Variants in KMT2A observed in about 807,000 individuals in gnomAD.
KMT2A encodes lysine methyltransferase 2A.
KMT2A carries 16 observed loss-of-function variants against 345.3 expected under a neutral mutation model. The observed-to-expected ratio is 0.05, with a 90% CI of 0.03 to 0.07. The LOEUF (loss-of-function observed/expected upper bound fraction) is 0.07, where lower values mean the gene tolerates loss of function less well. Among genes scored for constraint, KMT2A ranks in the 10% least tolerant of loss-of-function variants. The pLI is 1.00. For missense variants in KMT2A, 3,272 were observed against 4,841.6 expected, an observed-to-expected ratio of 0.68 and a Z score of 9.62; for synonymous variants, 1,599 against 1,778.6, an observed-to-expected ratio of 0.90 and a Z score of 2.54.
chr11:118,512,901 G>A lies in KMT2A; in HGVS notation c.11146+876G>A, dbSNP rs2134443106. ...GGTATTAGACTTCATATTAAATTTA[G>A]GCAGCATACAAACTTATTAATACAC... On this transcript the variant is annotated intron_variant, in intron 31 of 35. Transcript: ENST00000534358. Among the ~76,000 whole-genome samples, 3 of 151,512 alleles carry A rather than the reference G, an allele frequency of 2.0e-5. No homozygotes were observed. The Middle Eastern group carries it at 0.01, about 515-fold the overall frequency.
At chr11:118,477,409 A>C (rs1950056191) in intron 4 of KMT2A, among the ~76,000 whole-genome samples, 1 of 151,198 alleles carries the variant, frequency 6.6e-6, no homozygotes, top group Non-Finnish European at 1.5e-5. Flanking sequence ...AAGAATCCTT[A>C]GAAGCATTTG....
Position 118,504,766 on chromosome 11 carries a change from A to T in KMT2A, c.8874A>T (p.Ser2958=). Residue 2958 remains serine, a synonymous_variant, in exon 27 of 36, where the codon TCA becomes TCT. Transcript: ENST00000534358. The surrounding 1 kb of genome is among the most constrained non-coding windows in gnomAD (Gnocchi z 6.4). ...NPSRLAVISD[S]GEKRVTITEK... is the part of the protein sequence containing the mutation. ...GTAGACTAGCTGTTATCTCAGACTC[A>T]GGGGAGAAGAGAGTAACCATCACAG... is the stretch of plus-strand genomic sequence containing the variant. 6.2e-7 allele frequency: 1 copy of T among 1,614,126 alleles called. No homozygotes were observed.
In KMT2A at chr11:118,517,022, CT is replaced by C. The variant is rs548435224; in HGVS notation, c.11147-2586del. ...GAGTATGTAGTATGTTTTTCAATGT[CT>C]TTTTTTTTTAACCTAAGAATTCACA... On this transcript the variant is annotated intron_variant, in intron 31 of 35. Transcript: ENST00000534358. Among the ~76,000 whole-genome samples, 116 of 148,486 alleles carry C rather than the reference CT, an allele frequency of 7.8e-4. 1 individual carries two copies. The highest frequency in any genetic ancestry group is 5.4e-4 in the Admixed American group (8 of 14,918).
At chr11:118,518,436 A>C (rs2135274155) in intron 31 of KMT2A, among the ~76,000 whole-genome samples, 1 of 152,338 alleles carries the variant, frequency 6.6e-6, no homozygotes, top group Non-Finnish European at 1.5e-5. Flanking sequence ...CACATTCATC[A>C]TAACAACACA....
At position 118,443,787 on chromosome 11, in the gene KMT2A, A is replaced by G. The variant is rs573217200; in HGVS notation, c.432+6843A>G. 1.0e-3 allele frequency among the ~76,000 whole-genome samples: 154 copies of G among 152,360 alleles called. 1 individual carries two copies. The highest frequency in any genetic ancestry group is 3.6e-3 in the African/African-American group (149 of 41,586). ...TCTTACCTTCAATTATTGCTGCAGC[A>G]GTACCCTGTGAAGTACCAGTGGGCA... is the stretch of plus-strand genomic sequence containing the variant. On this transcript the variant is annotated intron_variant, in intron 1 of 35. Coordinates refer to ENST00000534358, the MANE Select transcript of KMT2A (RefSeq NM_001197104.2).
At chr11:118,507,819 C>T (rs978281053) in intron 28 of KMT2A, 20 of 461,376 alleles carry the variant, frequency 4.3e-5, no homozygotes, top group Middle Eastern at 1.3e-3. Context: ...AAGAATTAGC[C>T]GGGCGTGATG....
At chr11:118,518,994 C>G (rs1286783508) in intron 31 of KMT2A, among the ~76,000 whole-genome samples, 4 of 128,636 alleles carry the variant, frequency 3.1e-5, no homozygotes, top group Admixed American at 9.2e-5. Flanking sequence ...AGGAGAATGG[C>G]GTGAACCCGG....
intron 28 of KMT2A, among the ~76,000 whole-genome samples, chr11:118,507,958 G>A (rs1397868824): frequency 6.6e-6 from 1 of 151,980 alleles, no homozygotes; most frequent in African/African-American, 2.4e-5. Flanking sequence ...GCAAGACTCC[G>A]TTTCCAAAAA....
chr11:118,494,593 G>T lies in KMT2A; in HGVS notation c.5290-101G>T, dbSNP rs1416867038. The T allele has an allele frequency of 1.5e-5, 17 of 1,102,700 alleles. No individual in the cohort carries two copies. The highest frequency in any genetic ancestry group is 2.0e-5 in the Non-Finnish European group (15 of 750,906). 68.3% of individuals were successfully genotyped at this position (1,102,700 alleles called of 1,614,324 possible). A position where few individuals can be genotyped will look rare whatever the true frequency, so the allele number is the denominator to read the frequency against. ...GGATGGATCTTTCTCTTGGTGGCCTGAAATTATCCTCGTATTAACAGAGAA... is the reference window on the plus strand; with the variant it reads ...GGATGGATCTTTCTCTTGGTGGCCTTAAATTATCCTCGTATTAACAGAGAA... On this transcript the variant is annotated intron_variant, in intron 17 of 35. Coordinates refer to ENST00000534358, the MANE Select transcript of KMT2A (RefSeq NM_001197104.2). This position sits in a 1 kb window ranked among gnomAD's most constrained non-coding sequence, Gnocchi z 5.8.
At chr11:118,462,124 T>C (rs1160538422) in intron 1 of KMT2A, among the ~76,000 whole-genome samples, 3 of 152,036 alleles carry the variant, frequency 2.0e-5, no homozygotes, top group South Asian at 2.1e-4. Flanking sequence ...TGGATAATTT[T>C]TGTATATTTT....
In KMT2A at chr11:118,522,184, TC is replaced by T. The variant is rs1555053798; in HGVS notation, c.*17del. 1 of 1,612,484 alleles carries T rather than the reference TC, an allele frequency of 6.2e-7. No homozygotes were observed. Among genetic ancestry groups the T allele is most frequent in the South Asian group, 1.1e-5 (1 of 91,026 alleles). On this transcript the variant is annotated 3_prime_UTR_variant, in exon 36 of 36. Coordinates refer to ENST00000534358, the MANE Select transcript of KMT2A (RefSeq NM_001197104.2). This position sits in a 1 kb window ranked among gnomAD's most constrained non-coding sequence, Gnocchi z 5.4. The stretch of plus-strand genomic sequence containing the variant: ...AGTTCCTAAACTAAAGCTGCTCTTC[TC>T]CCCCAGTGTTGGAGTGCAAGGAGGC...
At chr11:118,480,375 A>G in intron 6 of KMT2A, 137 bp downstream of exon 6, 1 of 606,848 alleles carries the variant, frequency 1.6e-6, no homozygotes, top group Non-Finnish European at 2.9e-6. Flanking sequence ...AAGCTAGGTA[A>G]TAGGTACATG....
intron 3 of KMT2A, 146 bp downstream of exon 3, chr11:118,474,461 A>G (rs1949998082): frequency 1.0e-6 from 1 of 993,220 alleles, no homozygotes; most frequent in East Asian, 2.6e-5. Context: ...GTAGTCCTTC[A>G]AGGACCAGTA....
In KMT2A at chr11:118,491,585, A is replaced by G. The variant is rs1950324805; in HGVS notation, c.4820-159A>G. On this transcript the variant is annotated intron_variant, in intron 14 of 35. Coordinates refer to ENST00000534358, the MANE Select transcript of KMT2A (RefSeq NM_001197104.2). This position sits in a 1 kb window ranked among gnomAD's most constrained non-coding sequence, Gnocchi z 4.2. The stretch of plus-strand genomic sequence containing the variant: ...AGGATTAGTGTTAATTAATAATGCC[A>G]CTTTTTGAGATCAATATGTGTCATA... Among the ~76,000 whole-genome samples the G allele has an allele frequency of 6.6e-6, 1 of 152,196 alleles. No homozygotes were observed. Among genetic ancestry groups the G allele is most frequent in the South Asian group, 2.1e-4 (1 of 4,826 alleles).
intron 6 of KMT2A, among the ~76,000 whole-genome samples, chr11:118,480,787 C>T (rs1426988684): frequency 6.6e-6 from 1 of 152,036 alleles, no homozygotes; most frequent in Admixed American, 6.6e-5. Flanking sequence ...CTCAGCCTCC[C>T]TAGTAGCTGG....
chr11:118,525,557 CG>C lies in KMT2A; in HGVS notation c.*3387del, dbSNP rs1951063228. On this transcript the variant is annotated 3_prime_UTR_variant, in exon 36 of 36. Transcript: ENST00000534358. ...ACCCTGCTCGCCTCCGTCAAACCCC[CG>C]GCCAATGCAGTGAGCACCATGTAGC... 2 of 222,000 alleles carry C rather than the reference CG, an allele frequency of 9.0e-6. No individual in the cohort carries two copies. The highest frequency in any genetic ancestry group is 1.2e-4 in the Admixed American group (2 of 17,280). 13.8% of individuals were successfully genotyped at this position (222,000 alleles called of 1,614,324 possible).
At chr11:118,447,398 TAGG>T (rs1468149080) in intron 1 of KMT2A, among the ~76,000 whole-genome samples, 5 of 152,212 alleles carry the variant, frequency 3.3e-5, no homozygotes. Context: ...TTACATAAAC[TAGG>T]AGAACTTAAG....
intron 1 of KMT2A, among the ~76,000 whole-genome samples, chr11:118,460,303 T>C (rs1949721857): frequency 1.3e-5 from 2 of 152,188 alleles, no homozygotes; most frequent in Admixed American, 1.3e-4. Flanking sequence ...TTTTTCTTTT[T>C]TCTGAGATAG....
At chr11:118,512,704 C>T (rs1950715390) in intron 31 of KMT2A, among the ~76,000 whole-genome samples, 1 of 151,864 alleles carries the variant, frequency 6.6e-6, no homozygotes, top group Non-Finnish European at 1.5e-5. Context: ...GAAGTACTGC[C>T]AGGTTTTTTT....
Sources: gnomAD v4.1 joint callset for allele counts (sites outside exome capture counted in the v4.1 genomes callset) on GRCh38, gnomAD v4.1.1 for gene constraint, Gnocchi (gnomAD v3.1) non-coding constraint, MANE v1.5 for transcripts, NCBI Gene and HGNC (gene_info 2026-07-23, HGNC 2026-07-21) for gene names.